UBE2D4: variants seen among roughly 807,000 people sequenced by gnomAD.
The protein encoded by UBE2D4 is ubiquitin-conjugating enzyme E2 D4.
In UBE2D4, 17 loss-of-function variants were observed where a neutral mutation model predicts 23.0. The ratio of observed to expected loss-of-function variants is 0.74; its 90% CI spans 0.51 to 1.11. UBE2D4 has a LOEUF of 1.11. Ranked by LOEUF, UBE2D4 falls within the 50% of genes least tolerant of loss-of-function variation. The probability of loss-of-function intolerance (pLI) is 0.00; values close to 1 mark genes in which losing one functional copy is unlikely to be tolerated. For missense variants in UBE2D4, 139 were observed against 181.8 expected, an observed-to-expected ratio of 0.76 and a Z score of 1.35; for synonymous variants, 61 against 69.4, an observed-to-expected ratio of 0.88 and a Z score of 0.60.
chr7:43,928,001 C>G (rs2095936691), intron 1 of UBE2D4: 2 of 449,738 alleles, frequency 4.4e-6, no homozygotes, highest in South Asian at 1.6e-5. Context: ...TTATTTGGCT[C>G]TCGGTTCTGC....
chr7:43,940,454 G>A (rs2095969010), intron 2 of UBE2D4, among the ~76,000 whole-genome samples: 1 of 152,160 alleles, frequency 6.6e-6, no homozygotes, highest in Non-Finnish European at 1.5e-5. Context: ...CTGTCTAGAG[G>A]CAGCTCCTTG....
chr7:43,934,203 C>T (rs1304984488), intron 1 of UBE2D4, among the ~76,000 whole-genome samples: 3 of 151,764 alleles, frequency 2.0e-5, no homozygotes, highest in Non-Finnish European at 4.4e-5. Flanking sequence ...GAGACTGGGT[C>T]ATTTTTTTTT....
chr7:43,933,013 T>TATATACACAC lies in UBE2D4; in HGVS notation c.25-5417_25-5416insTATACACACA, dbSNP rs1340458201. On this transcript the variant is annotated intron_variant, in intron 1 of 6. Coordinates refer to ENST00000222402, the MANE Select transcript of UBE2D4 (RefSeq NM_015983.4). Reference sequence around the variant, plus strand: ...ATATATATATATATATATATATATATACACACACATATATATACACATATG... The same window carrying TATATACACAC: ...ATATATATATATATATATATATATATATATACACACACACACACATATATATACACATATG... 4.0e-3 allele frequency among the ~76,000 whole-genome samples: 472 copies of TATATACACAC among 116,642 alleles called. 15 individuals carry two copies. Among genetic ancestry groups the TATATACACAC allele is most frequent in the Middle Eastern group, 9.7e-3 (2 of 206 alleles). 76.5% of individuals were successfully genotyped at this position (116,642 alleles called of 152,430 possible). A position where few individuals can be genotyped will look rare whatever the true frequency, so the allele number is the denominator to read the frequency against.
chr7:43,946,908 C>A (rs2095988702), intron 4 of UBE2D4, among the ~76,000 whole-genome samples: 1 of 151,680 alleles, frequency 6.6e-6, no homozygotes, highest in South Asian at 2.1e-4. Flanking sequence ...ACTTTAAGTT[C>A]TAGGGTACAT....
intron 2 of UBE2D4, 126 bp from the exon 3 acceptor site, chr7:43,942,700 G>A: frequency 7.3e-7 from 1 of 1,360,670 alleles, no homozygotes; most frequent in South Asian, 1.2e-5. Context: ...CCCCAGTCTT[G>A]CAGTTGGTGT....
chr7:43,934,639 C>CTT (rs34428425), intron 1 of UBE2D4, among the ~76,000 whole-genome samples: 56,474 of 145,184 alleles, frequency 0.39, 10,960 homozygotes, highest in South Asian at 0.58. Flanking sequence ...TAAAGCAATT[C>CTT]TTTTTTTTTT....
intron 4 of UBE2D4, among the ~76,000 whole-genome samples, chr7:43,948,251 T>C (rs907679413): frequency 1.3e-5 from 2 of 152,218 alleles, no homozygotes; most frequent in Non-Finnish European, 2.9e-5. Context: ...GGTGTTTTAG[T>C]CATGAAGTCT....
intron 1 of UBE2D4, among the ~76,000 whole-genome samples, chr7:43,936,956 G>T (rs1317209379): frequency 1.3e-5 from 2 of 152,198 alleles, no homozygotes; most frequent in African/African-American, 4.8e-5. Context: ...TTTCTTTCAA[G>T]TCACACCATT....
At chr7:43,951,488 C>T (rs2096002362) in intron 6 of UBE2D4, among the ~76,000 whole-genome samples, 1 of 152,166 alleles carries the variant, frequency 6.6e-6, no homozygotes, top group Non-Finnish European at 1.5e-5. Context: ...CAGTTCATTA[C>T]TCATTACTTC....
intron 6 of UBE2D4, 87 bp downstream of exon 6, chr7:43,950,779 G>A: frequency 1.8e-6 from 2 of 1,103,062 alleles, no homozygotes; most frequent in East Asian, 2.4e-5. Context: ...GTGCTTCTAG[G>A]CTGCAGGTTC....
chr7:43,948,765 T>C (rs1238927466), intron 5 of UBE2D4, 28 bp downstream of exon 5: 2 of 1,540,454 alleles, frequency 1.3e-6, no homozygotes, highest in Non-Finnish European at 1.8e-6. Flanking sequence ...ATGCTCTGTG[T>C]GCTCTTTTAC....
chr7:43,935,956 C>T (rs1440214336), intron 1 of UBE2D4, among the ~76,000 whole-genome samples: 1 of 152,160 alleles, frequency 6.6e-6, no homozygotes, highest in Non-Finnish European at 1.5e-5. Flanking sequence ...TCTGCCCTGC[C>T]CATGGCATCA....
intron 6 of UBE2D4, chr7:43,951,900 A>C (rs971554966): frequency 3.9e-5 from 6 of 152,176 alleles, no homozygotes; most frequent in African/African-American, 1.4e-4. Flanking sequence ...TTTCTCAATA[A>C]CAGTCAAAAT....
intron 2 of UBE2D4, chr7:43,941,919 A>G (rs1190010747): frequency 2.0e-5 from 3 of 152,130 alleles, no homozygotes; most frequent in Admixed American, 2.0e-4. Flanking sequence ...TAACAACAAA[A>G]AGAATTTAAT....
Position 43,954,890 on chromosome 7 carries a change from C to A in UBE2D4, c.*2195C>A, listed in dbSNP as rs1330160278. 1 of 152,224 alleles carries A rather than the reference C, an allele frequency of 6.6e-6. No individual in the cohort carries two copies. Among genetic ancestry groups the A allele is most frequent in the Admixed American group, 6.5e-5 (1 of 15,288 alleles). The allele number at this position is 152,224 out of a possible 1,614,324, so 9.4% of individuals were successfully genotyped here. A position where few individuals can be genotyped will look rare whatever the true frequency, so the allele number is the denominator to read the frequency against. ...TGTTGGGGAATAACCATACTCTGGTCTTTCAAGTGTAGTAGCTGATGATTC... is the reference window on the plus strand; with the variant it reads ...TGTTGGGGAATAACCATACTCTGGTATTTCAAGTGTAGTAGCTGATGATTC... On this transcript the variant is annotated 3_prime_UTR_variant, in exon 7 of 7. Transcript: ENST00000222402.
In UBE2D4 at chr7:43,955,002, A is replaced by G. The variant is rs1585897496; in HGVS notation, c.*2307A>G. On this transcript the variant is annotated 3_prime_UTR_variant, in exon 7 of 7. Transcript: ENST00000222402. The stretch of plus-strand genomic sequence containing the variant: ...GGATATACATAATAGAGAAAGTCAA[A>G]TCAGCCCTTTGGGGTTTGTGGTAAA... The G allele has an allele frequency of 6.6e-6, 1 of 152,324 alleles. No homozygotes were observed. Among genetic ancestry groups the G allele is most frequent in the Non-Finnish European group, 1.5e-5 (1 of 68,024 alleles). The allele number at this position is 152,324 out of a possible 1,614,324, so 9.4% of individuals were successfully genotyped here.
rs1446292063 is a variant in UBE2D4 at position 43,938,343 on chromosome 7, A to G, written c.25-88A>G. 3.7e-6 allele frequency: 5 copies of G among 1,334,228 alleles called. No individual in the cohort carries two copies. The African/African-American group carries it at 7.2e-5, about 19-fold the overall frequency. The allele number at this position is 1,334,228 out of a possible 1,614,324, so 82.6% of individuals were successfully genotyped here. On this transcript the variant is annotated intron_variant, in intron 1 of 6. Transcript: ENST00000222402. ...TGAGGCCTAGGAGCCTCCTCCCACC[A>G]GGAGAATTCCTTCCAGCTACCAAGA... is the stretch of plus-strand genomic sequence containing the variant.
chr7:43,953,287 T>C lies in UBE2D4; in HGVS notation c.*592T>C. The C allele has an allele frequency of 4.5e-6, 2 of 442,250 alleles. No homozygotes were observed. The highest frequency in any genetic ancestry group is 9.1e-6 in the Non-Finnish European group (2 of 220,452). The allele number at this position is 442,250 out of a possible 1,614,324, so 27.4% of individuals were successfully genotyped here. ...CCTCCTGCAGTGCCACGTGGTGGCATTTCTCGCCTCACACCAAGAAGCAGC... is the reference window on the plus strand; with the variant it reads ...CCTCCTGCAGTGCCACGTGGTGGCACTTCTCGCCTCACACCAAGAAGCAGC... On this transcript the variant is annotated 3_prime_UTR_variant, in exon 7 of 7. Coordinates refer to ENST00000222402, the MANE Select transcript of UBE2D4 (RefSeq NM_015983.4).
At chr7:43,951,243 C>T (rs2096001780) in intron 6 of UBE2D4, among the ~76,000 whole-genome samples, 2 of 152,166 alleles carry the variant, frequency 1.3e-5, no homozygotes, top group South Asian at 2.1e-4. Context: ...TGTAAAATTC[C>T]GACCCCCTAG....
Sources: allele counts gnomAD v4.1 joint callset (sites outside exome capture counted in the v4.1 genomes callset), GRCh38; gene constraint gnomAD v4.1.1; transcripts MANE v1.5; gene names NCBI Gene and HGNC (gene_info 2026-07-23, HGNC 2026-07-21).